Variants in INF2 observed in about 807,000 individuals in gnomAD.
INF2 encodes the protein inverted formin 2.
In INF2, 43 loss-of-function variants were observed where a neutral mutation model predicts 123.5. That is an observed-to-expected ratio of 0.35 (90% CI 0.27 to 0.45). The LOEUF is 0.45. INF2 is among the 20% of genes least tolerant of loss of function. The probability of loss-of-function intolerance (pLI) is 1.00; values close to 1 mark genes in which losing one functional copy is unlikely to be tolerated. For missense variants in INF2, 1,453 were observed against 1,682.7 expected (o/e 0.86, Z 2.39); for synonymous variants, 851 against 745.0 (o/e 1.14, Z -2.32).
In INF2 at chr14:104,718,989, C is replaced by T. The variant is rs1431849085; in HGVS notation, c.*196C>T. 3.1e-6 allele frequency: 4 copies of T among 1,309,502 alleles called. No homozygotes were observed. The East Asian group carries it at 7.9e-5, about 26-fold the overall frequency. 81.1% of individuals were successfully genotyped at this position (1,309,502 alleles called of 1,614,324 possible). A position where few individuals can be genotyped will look rare whatever the true frequency, so the allele number is the denominator to read the frequency against. On this transcript the variant is annotated 3_prime_UTR_variant, in exon 23 of 23. Coordinates refer to ENST00000392634, the MANE Select transcript of INF2 (RefSeq NM_022489.4). Reference sequence around the variant, plus strand: ...CTGGGAACCCGACAGGCACCAGTGCCCTGCCAGGCCTGGTGCCCTCCTGGA... The same window carrying T: ...CTGGGAACCCGACAGGCACCAGTGCTCTGCCAGGCCTGGTGCCCTCCTGGA...
At chr14:104,685,664 TG>T (rs1888637465), upstream of INF2, among the ~76,000 whole-genome samples, 1 of 140,630 alleles carries the variant, frequency 7.1e-6, no homozygotes, top group African/African-American at 2.7e-5. Flanking sequence ...GGATGATGGC[TG>T]GGTAGGTGGA....
At position 104,722,006 on chromosome 14, in the gene INF2, C is replaced by T. The variant is rs1158280744; in HGVS notation, c.*3213C>T. ...CCAAAGAGTGGAACCCACAGGTGGACACACCCATGCACCCTCGTTCTTGCC... is the reference window on the plus strand; with the variant it reads ...CCAAAGAGTGGAACCCACAGGTGGATACACCCATGCACCCTCGTTCTTGCC... On this transcript the variant is annotated 3_prime_UTR_variant, in exon 23 of 23. Transcript: ENST00000392634. 1 of 152,286 alleles carries T rather than the reference C, an allele frequency of 6.6e-6. No homozygotes were observed. Among genetic ancestry groups the T allele is most frequent in the Admixed American group, 6.5e-5 (1 of 15,290 alleles). 9.4% of individuals were successfully genotyped at this position (152,286 alleles called of 1,614,324 possible). A position where few individuals can be genotyped will look rare whatever the true frequency, so the allele number is the denominator to read the frequency against.
intron 1 of INF2, among the ~76,000 whole-genome samples, chr14:104,695,384 C>T (rs1889136994): frequency 6.6e-6 from 1 of 152,140 alleles, no homozygotes; most frequent in South Asian, 2.1e-4. Flanking sequence ...TGACCAGGCC[C>T]TCAGGGAGCA....
rs527376552 is a variant in INF2 at position 104,699,872 on chromosome 14, TG to T, written c.-9-1483del. On this transcript the variant is annotated intron_variant, in intron 1 of 22. Transcript: ENST00000392634. This position sits in a 1 kb window ranked among gnomAD's most constrained non-coding sequence, Gnocchi z 4.7. ...GCTGGGGACATGCAGATCAGAACCC[TG>T]GCTTACACCTGTCAGGCTGCCTCCT... is the stretch of plus-strand genomic sequence containing the variant. Among the ~76,000 whole-genome samples the T allele has an allele frequency of 3.9e-4, 59 of 152,240 alleles. No homozygotes were observed. Among genetic ancestry groups the T allele is most frequent in the African/African-American group, 1.4e-3 (58 of 41,544 alleles).
chr14:104,714,347 A>G lies in INF2; in HGVS notation c.3185A>G (p.Glu1062Gly). The change falls in exon 21 of 23, where the codon GAG (glutamate) becomes GGG (glycine). Residue 1062 changes from glutamate to glycine, a missense_variant. Coordinates refer to ENST00000392634, the MANE Select transcript of INF2 (RefSeq NM_022489.4). ...ACCCCCGGCCCTCAGCCCACCCTGG[A>G]GCAGTTGGAGGAGGGTGGTCCACGG... is the stretch of plus-strand genomic sequence containing the variant. The part of the protein sequence containing the change: ...AVTPGPQPTL[E>G]QLEEGGPRPL... 6.3e-7 allele frequency: 1 copy of G among 1,595,650 alleles called. No homozygotes were observed. Among genetic ancestry groups the G allele is most frequent in the Non-Finnish European group, 8.5e-7 (1 of 1,171,934 alleles).
chr14:104,709,801 G>T, intron 12 of INF2, 96 bp downstream of exon 12: 1 of 1,128,202 alleles, frequency 8.9e-7, no homozygotes. Context: ...AGAAGAGGCT[G>T]TGCCAATGGC....
intron 16 of INF2, among the ~76,000 whole-genome samples, chr14:104,712,120 T>C (rs1188298787): frequency 6.6e-6 from 1 of 151,914 alleles, no homozygotes; most frequent in Non-Finnish European, 1.5e-5. Flanking sequence ...CACTACACAG[T>C]CCGGGCCCCT....
chr14:104,717,879 C>G (rs188089911), intron 22 of INF2, among the ~76,000 whole-genome samples: 26 of 152,348 alleles, frequency 1.7e-4, no homozygotes, highest in Non-Finnish European at 3.5e-4. Flanking sequence ...AGCGTTCCCC[C>G]CTCCCCTCCC....
rs1229155223 is a variant in INF2 at position 104,703,236 on chromosome 14, T to C, written c.507+16T>C. On this transcript the variant is annotated intron_variant, in intron 3 of 22. Coordinates refer to ENST00000392634, the MANE Select transcript of INF2 (RefSeq NM_022489.4). ...CCACTACAAGGTGGGCGGCAGGGCC[T>C]GGGCCTGGGCACATGGGGCTCCCTG... 5 of 1,612,858 alleles carry C rather than the reference T, an allele frequency of 3.1e-6. No individual in the cohort carries two copies. The highest frequency in any genetic ancestry group is 3.4e-6 in the Non-Finnish European group (4 of 1,179,730).
At position 104,710,065 on chromosome 14, in the gene INF2, ATCCCTG is replaced by A; in HGVS notation, c.2139-20_2139-15del. The A allele has an allele frequency of 6.5e-7, 1 of 1,537,314 alleles. No individual in the cohort carries two copies. Among genetic ancestry groups the A allele is most frequent in the Non-Finnish European group, 8.8e-7 (1 of 1,136,410 alleles). ...GACAGGTGGGGGGTGCAGGCCACTG[ATCCCTG>A]TCTGTGCCATCCCCAGCTACCAGCT... On this transcript the variant is annotated splice_polypyrimidine_tract_variant and intron_variant, in intron 12 of 22. Transcript: ENST00000392634.
upstream of INF2, among the ~76,000 whole-genome samples, chr14:104,686,344 A>G (rs2140577822): frequency 7.3e-6 from 1 of 136,306 alleles, no homozygotes; most frequent in South Asian, 2.6e-4. Context: ...TTAAGGGTGA[A>G]TAGGTGGATG....
At chr14:104,686,001 AGGTGGG>A (rs1888652620), upstream of INF2, among the ~76,000 whole-genome samples, 1 of 41,800 alleles carries the variant, frequency 2.4e-5, no homozygotes, top group Non-Finnish European at 4.8e-5. Context: ...ATGGATGGGT[AGGTGGG>A]TGGATAGGTG....
intron 1 of INF2, among the ~76,000 whole-genome samples, chr14:104,698,918 C>T (rs985236136): frequency 6.6e-6 from 1 of 152,224 alleles, no homozygotes; most frequent in Admixed American, 6.5e-5. Context: ...GCAGCTCAGA[C>T]ACAGAGCCAG....
chr14:104,706,132 G>C lies in INF2; in HGVS notation c.799G>C (p.Asp267His). ...GCTGCTGCGAGTCTCTGGCGGGGTCGACATGAGCAGCCACCAGGAGGTCTT... is the reference window on the plus strand; with the variant it reads ...GCTGCTGCGAGTCTCTGGCGGGGTCCACATGAGCAGCCACCAGGAGGTCTT... ...EELLRVSGGV[D>H]MSSHQEVFAS... Residue 267 changes from aspartate to histidine, a missense_variant, in exon 6 of 23, where the codon GAC becomes CAC. Asp to His is a moderately conservative substitution (Grantham distance 81). This residue lies in a region of INF2 where 251 missense variants were observed against 349.4 expected (regional missense o/e 0.72). Transcript: ENST00000392634. 1.2e-6 allele frequency: 2 copies of C among 1,606,922 alleles called. 1 individual carries two copies. The highest frequency in any genetic ancestry group is 1.7e-6 in the Non-Finnish European group (2 of 1,177,268).
chr14:104,709,785 GGGA>G lies in INF2; in HGVS notation c.2138+85_2138+87del, dbSNP rs1265755404. On this transcript the variant is annotated intron_variant, in intron 12 of 22. Coordinates refer to ENST00000392634, the MANE Select transcript of INF2 (RefSeq NM_022489.4). ...AGGAATAGGGAGCAGGGCCCAGCCA[GGGA>G]GGAGAAGAGGCTGTGCCAATGGCTG... The G allele has an allele frequency of 5.5e-6, 7 of 1,283,628 alleles. No homozygotes were observed. The African/African-American group carries it at 1.0e-4, about 19-fold the overall frequency. 79.5% of individuals were successfully genotyped at this position (1,283,628 alleles called of 1,614,324 possible).
chr14:104,689,590 T>TACCC, upstream of INF2: 12 of 646,934 alleles, frequency 1.9e-5, no homozygotes, highest in Non-Finnish European at 2.2e-5. Flanking sequence ...CTCCTCTTCC[T>TACCC]CCCGCCCGCC....
intron 9 of INF2, 40 bp from the exon 10 acceptor site, chr14:104,708,631 C>T: frequency 1.2e-6 from 2 of 1,612,720 alleles, no homozygotes; most frequent in Non-Finnish European, 1.7e-6. Context: ...CCTGCCTGGC[C>T]ACCCTCCGGT....
upstream of INF2, chr14:104,689,323 G>C: frequency 3.3e-6 from 3 of 916,552 alleles, no homozygotes; most frequent in Non-Finnish European, 3.9e-6. Flanking sequence ...GGCAGGGACG[G>C]GGCGGACAGT....
chr14:104,707,739 C>T lies in INF2; in HGVS notation c.1472C>T (p.Pro491Leu). The T allele has an allele frequency of 7.4e-7, 1 of 1,353,382 alleles. No homozygotes were observed. Among genetic ancestry groups the T allele is most frequent in the Non-Finnish European group, 1.0e-6 (1 of 984,474 alleles). 83.8% of individuals were successfully genotyped at this position (1,353,382 alleles called of 1,614,324 possible). A position where few individuals can be genotyped will look rare whatever the true frequency, so the allele number is the denominator to read the frequency against. ...PGSCEFLPPP[P>L]PPLPGLGCPP... ...TCCTGTGAGTTCCTGCCCCCACCAC[C>T]TCCACCACTCCCGGGCTTGGGATGC... is the stretch of plus-strand genomic sequence containing the variant. The change falls in exon 8 of 23, where the codon CCT (proline) becomes CTT (leucine). Residue 491 changes from proline (P) to leucine (L), a missense_variant. Around this residue, in one of 8 missense-constraint regions of INF2, gnomAD observed 374 missense variants for 303.7 expected, o/e 1.23. Coordinates refer to ENST00000392634, the MANE Select transcript of INF2 (RefSeq NM_022489.4).
Sources: gnomAD v4.1 joint callset for allele counts (sites outside exome capture counted in the v4.1 genomes callset) on GRCh38, gnomAD v4.1.1 for gene constraint, gnomAD v4.1.1 regional missense constraint, Gnocchi (gnomAD v3.1) non-coding constraint, MANE v1.5 for transcripts, NCBI Gene and HGNC (gene_info 2026-07-23, HGNC 2026-07-21) for gene names.